WIPF2: variants seen among roughly 807,000 people sequenced by gnomAD.
The protein encoded by WIPF2 is WAS/WASL interacting protein family member 2.
Under a neutral mutation model 38.8 loss-of-function variants are expected in WIPF2, and 23 were observed. The observed-to-expected ratio is 0.59, with a 90% CI of 0.43 to 0.84. WIPF2 has a LOEUF of 0.84. WIPF2 is among the 40% of genes least tolerant of loss of function. The pLI is 0.00. For synonymous variants in WIPF2, 210 were observed against 223.2 expected (o/e 0.94, Z 0.53); for missense variants, 574 against 580.5 (o/e 0.99, Z 0.11).
chr17:40,243,197 T>G (rs925275810), intron 1 of WIPF2, among the ~76,000 whole-genome samples: 4 of 152,082 alleles, frequency 2.6e-5, no homozygotes, highest in African/African-American at 7.2e-5. Context: ...AATTTACATT[T>G]TTAGGGCTTT....
intron 1 of WIPF2, among the ~76,000 whole-genome samples, chr17:40,229,606 A>T (rs979570537): frequency 3.9e-5 from 6 of 151,908 alleles, no homozygotes; most frequent in Non-Finnish European, 5.9e-5. Context: ...TTTTTAGTAG[A>T]GATGGGGTTT....
chr17:40,253,230 T>A (rs191853643), intron 1 of WIPF2, among the ~76,000 whole-genome samples: 1 of 151,846 alleles, frequency 6.6e-6, no homozygotes, highest in Non-Finnish European at 1.5e-5. Flanking sequence ...ACCCAGCTAA[T>A]TTTTTGTATT....
chr17:40,246,555 C>G (rs925163343), intron 1 of WIPF2, among the ~76,000 whole-genome samples: 1 of 151,760 alleles, frequency 6.6e-6, no homozygotes, highest in African/African-American at 2.4e-5. Flanking sequence ...CCTGACACCA[C>G]GCCCAACCAA....
intron 7 of WIPF2, among the ~76,000 whole-genome samples, chr17:40,277,821 G>C (rs1233764976): frequency 6.8e-6 from 1 of 146,988 alleles, no homozygotes; most frequent in Non-Finnish European, 1.5e-5. Flanking sequence ...CTGCCTCCCA[G>C]GTTCAAGTGA....
At position 40,260,644 on chromosome 17, in the gene WIPF2, A is replaced by T. The variant is rs1338313303; in HGVS notation, c.173A>T (p.Asp58Val). ...TKLKKVTNINDRSAPILEKPK... is the reference protein window; with the variant it reads ...TKLKKVTNINVRSAPILEKPK... The stretch of plus-strand genomic sequence containing the variant: ...CTGAAGAAGGTGACCAACATTAATG[A>T]TCGGAGTGCTCCCATCCTCGAGAGT... The change falls in exon 3 of 8, where the codon GAT (aspartate) becomes GTT (valine). Residue 58 changes from aspartate to valine, a missense_variant. Coordinates refer to ENST00000323571, the MANE Select transcript of WIPF2 (RefSeq NM_133264.5). 6.2e-7 allele frequency: 1 copy of T among 1,613,742 alleles called. No homozygotes were observed.
intron 1 of WIPF2, among the ~76,000 whole-genome samples, chr17:40,227,494 CTA>C (rs2030543778): frequency 6.6e-6 from 1 of 152,110 alleles, no homozygotes; most frequent in South Asian, 2.1e-4. Flanking sequence ...TTGGAAACAT[CTA>C]TGTTTGTCTT....
chr17:40,274,015 T>G lies in WIPF2; in HGVS notation c.1180+16T>G. 2 of 1,516,328 alleles carry G rather than the reference T, an allele frequency of 1.3e-6. No individual in the cohort carries two copies. The highest frequency in any genetic ancestry group is 8.8e-7 in the Non-Finnish European group (1 of 1,130,962). The allele number at this position is 1,516,328 out of a possible 1,614,324, so 93.9% of individuals were successfully genotyped here. ...TCTTTCTTGGGTGAGTAGCTAGCTA[T>G]CTGTAGTCTCATGGTTCCTGCGGTG... On this transcript the variant is annotated intron_variant, in intron 6 of 7. Transcript: ENST00000323571.
chr17:40,238,555 G>A lies in WIPF2; in HGVS notation c.-69-17836G>A, dbSNP rs975253609. On this transcript the variant is annotated intron_variant, in intron 1 of 7. Coordinates refer to ENST00000323571, the MANE Select transcript of WIPF2 (RefSeq NM_133264.5). ...TGACCTCAGGTGATCTGCCTGCCTC[G>A]GCCTCCTAAAGTGTTGGGATTACAG... 2.6e-4 allele frequency among the ~76,000 whole-genome samples: 40 copies of A among 152,040 alleles called. 1 individual carries two copies. Among genetic ancestry groups the A allele is most frequent in the Admixed American group, 1.6e-3 (25 of 15,246 alleles).
chr17:40,263,563 A>C, intron 4 of WIPF2, among the ~76,000 whole-genome samples: 2 of 117,050 alleles, frequency 1.7e-5, no homozygotes, highest in East Asian at 3.1e-4. Context: ...CCCCCCCGCA[A>C]ATGGAGTCTT....
chr17:40,253,254 G>C (rs2031616105), intron 1 of WIPF2, among the ~76,000 whole-genome samples: 1 of 151,638 alleles, frequency 6.6e-6, no homozygotes, highest in East Asian at 1.9e-4. Context: ...AGTAGAGACA[G>C]GGTTTCACTG....
At chr17:40,262,669 T>C in intron 4 of WIPF2, 28 bp downstream of exon 4, 1 of 1,567,900 alleles carries the variant, frequency 6.4e-7, no homozygotes, top group Non-Finnish European at 8.8e-7. Flanking sequence ...TCCCAGGGTA[T>C]TTCCCTGGTG....
intron 3 of WIPF2, 105 bp downstream of exon 3, chr17:40,260,772 T>C (rs1412336055): frequency 6.8e-7 from 1 of 1,462,954 alleles, no homozygotes; most frequent in African/African-American, 1.4e-5. Context: ...GAGAGTTTTG[T>C]CCTGGGATGT....
At chr17:40,240,374 A>G (rs2031145741) in intron 1 of WIPF2, among the ~76,000 whole-genome samples, 1 of 152,062 alleles carries the variant, frequency 6.6e-6, no homozygotes, top group African/African-American at 2.4e-5. Flanking sequence ...CCAGACTTTC[A>G]ACCAGTCCTC....
intron 1 of WIPF2, among the ~76,000 whole-genome samples, chr17:40,251,058 C>T (rs1190105321): frequency 6.6e-6 from 1 of 151,612 alleles, no homozygotes; most frequent in Non-Finnish European, 1.5e-5. Context: ...GGACTACAGG[C>T]GCCCGCCACC....
intron 1 of WIPF2, among the ~76,000 whole-genome samples, chr17:40,250,840 A>AAGG: frequency 1.3e-5 from 2 of 151,748 alleles, no homozygotes; most frequent in African/African-American, 4.8e-5. Context: ...GCTGAGGCAG[A>AAGG]AGGATCACTG....
intron 1 of WIPF2, among the ~76,000 whole-genome samples, chr17:40,247,196 C>A (rs899309355): frequency 2.8e-5 from 3 of 106,626 alleles, no homozygotes; most frequent in Non-Finnish European, 4.0e-5. Flanking sequence ...AAATTTAATT[C>A]TTATTTCAGG....
intron 1 of WIPF2, among the ~76,000 whole-genome samples, chr17:40,247,828 A>G (rs1349372947): frequency 1.3e-5 from 2 of 152,180 alleles, no homozygotes; most frequent in East Asian, 3.9e-4. Context: ...CCTCAGGATA[A>G]TGTTTAAATT....
chr17:40,258,623 T>TG (rs2031803885), intron 2 of WIPF2, among the ~76,000 whole-genome samples: 1 of 151,586 alleles, frequency 6.6e-6, no homozygotes, highest in Non-Finnish European at 1.5e-5. Flanking sequence ...ATGGTGATGT[T>TG]GGGGGTAGAA....
chr17:40,248,411 C>T (rs945013109), intron 1 of WIPF2, among the ~76,000 whole-genome samples: 3 of 151,902 alleles, frequency 2.0e-5, no homozygotes, highest in Middle Eastern at 3.2e-3. Context: ...TCAAGAGATC[C>T]GTCCGCCTCG....
Sources: gnomAD v4.1 joint callset for allele counts (sites outside exome capture counted in the v4.1 genomes callset) on GRCh38, gnomAD v4.1.1 for gene constraint, MANE v1.5 for transcripts, NCBI Gene and HGNC (gene_info 2026-07-23, HGNC 2026-07-21) for gene names.